The following SWI5 variants were observed in gnomAD, a reference collection of about 807,000 sequenced individuals.
SWI5 encodes DNA repair protein SWI5 homolog.
In SWI5, 12 loss-of-function variants were observed where a neutral mutation model predicts 17.0. The ratio of observed to expected loss-of-function variants is 0.71; its 90% CI spans 0.45 to 1.14. The LOEUF is 1.14. Among genes scored for constraint, SWI5 ranks in the 50% most tolerant of loss-of-function variants. SWI5 has a pLI of 0.00. For missense variants in SWI5, 158 were observed against 162.2 expected (o/e 0.97, Z 0.14); for synonymous variants, 61 against 64.0 (o/e 0.95, Z 0.22).
At chr9:128,276,965 T>C (rs1288902154) in intron 2 of SWI5, among the ~76,000 whole-genome samples, 3 of 152,056 alleles carry the variant, frequency 2.0e-5, no homozygotes, top group African/African-American at 4.8e-5. Flanking sequence ...TATCCTGTCC[T>C]GTCCTAGGCT....
At chr9:128,280,323 A>G (rs920437477) in intron 2 of SWI5, among the ~76,000 whole-genome samples, 6 of 151,996 alleles carry the variant, frequency 3.9e-5, no homozygotes, top group Non-Finnish European at 7.4e-5. Flanking sequence ...TGGGACACCC[A>G]GAGCTGCCTG....
At chr9:128,276,652 G>A (rs780391410) in intron 1 of SWI5, 55 bp from the exon 2 acceptor site, 1 of 1,613,846 alleles carries the variant, frequency 6.2e-7, no homozygotes, top group Non-Finnish European at 8.5e-7. Context: ...ACAGTACCCC[G>A]TCCTCACAGC....
intron 2 of SWI5, chr9:128,278,675 T>C (rs1456584065): frequency 4.2e-6 from 2 of 471,756 alleles, no homozygotes; most frequent in Non-Finnish European, 8.8e-6. Context: ...ACTGTCCCCA[T>C]GTTGAGGTGA....
At chr9:128,278,312 T>C (rs1457991516) in intron 2 of SWI5, among the ~76,000 whole-genome samples, 1 of 151,958 alleles carries the variant, frequency 6.6e-6, no homozygotes, top group Non-Finnish European at 1.5e-5. Flanking sequence ...CTCACGCCTA[T>C]AATCCCAGCA....
upstream of SWI5, chr9:128,275,863 G>A (rs1831318542): frequency 5.5e-6 from 7 of 1,271,332 alleles, no homozygotes; most frequent in Non-Finnish European, 7.8e-6. Context: ...CTGGGGCTGG[G>A]TCGGGGGGCC....
chr9:128,278,016 G>T (rs1022875759), intron 2 of SWI5, among the ~76,000 whole-genome samples: 1 of 142,186 alleles, frequency 7.0e-6, no homozygotes, highest in African/African-American at 2.6e-5. Flanking sequence ...GCAATGGTGC[G>T]ATCTGGGCTC....
Position 128,284,643 on chromosome 9 carries a change from TG to T in SWI5, c.233+15del, listed in dbSNP as rs1455539026. On this transcript the variant is annotated intron_variant, in intron 3 of 4. Coordinates refer to ENST00000418976, the Ensembl canonical transcript of SWI5. The stretch of plus-strand genomic sequence containing the variant: ...CAGTTCGTATCTGAGTAAGTTTCAT[TG>T]GGTTCCCCATCATGGTTAAGATAAC... 3 of 1,612,426 alleles carry T rather than the reference TG, an allele frequency of 1.9e-6. No individual in the cohort carries two copies. The highest frequency in any genetic ancestry group is 3.3e-5 in the Admixed American group (2 of 59,888).
rs116492254 is a variant in SWI5, at chr9:128,276,916, C to T, written c.111+161C>T. Among the ~76,000 whole-genome samples the T allele has an allele frequency of 2.5e-3, 376 of 152,146 alleles. 1 individual carries two copies. The highest frequency in any genetic ancestry group is 8.3e-3 in the African/African-American group (346 of 41,488). On this transcript the variant is annotated intron_variant, in intron 2 of 4. Coordinates refer to ENST00000418976, the Ensembl canonical transcript of SWI5. ...CGCCAGGTCATTCCCGAATCCCTCC[C>T]CTTCCTTTCCTCATGCCCGCCAGTC...
Position 128,285,956 on chromosome 9 carries a change from A to T in SWI5, c.251A>T (p.Glu84Val). The T allele has an allele frequency of 6.2e-7, 1 of 1,614,006 alleles. No homozygotes were observed. The highest frequency in any genetic ancestry group is 1.7e-5 in the Admixed American group (1 of 60,020). Residue 84 changes from glutamate (E) to valine (V), a missense_variant, in exon 4 of 5, where the codon GAA (glutamate) becomes GTA (valine). Transcript: ENST00000418976. The surrounding 1 kb of genome is among the most constrained non-coding windows in gnomAD (Gnocchi z 4.8). ...TATCCCAGAGGCTACAGTGTGGATG[A>T]ACTGGAGGACCACATTACCCAGCTT...
At chr9:128,280,813 G>A (rs1040449722) in intron 2 of SWI5, among the ~76,000 whole-genome samples, 12 of 151,992 alleles carry the variant, frequency 7.9e-5, no homozygotes, top group East Asian at 3.9e-4. Context: ...CACCGTGCCC[G>A]GTCGCATTTG....
intron 2 of SWI5, among the ~76,000 whole-genome samples, chr9:128,279,653 A>G (rs1040046791): frequency 1.3e-5 from 2 of 152,256 alleles, no homozygotes; most frequent in African/African-American, 4.8e-5. Flanking sequence ...TGGAAGGAAC[A>G]TAAAAGTGGA....
At position 128,285,856 on chromosome 9, in the gene SWI5, G is replaced by A; in HGVS notation, c.234-83G>A. The A allele has an allele frequency of 1.1e-6, 1 of 902,188 alleles. No homozygotes were observed. The highest frequency in any genetic ancestry group is 1.8e-6 in the Non-Finnish European group (1 of 545,516). 55.9% of individuals were successfully genotyped at this position (902,188 alleles called of 1,614,324 possible). A position where few individuals can be genotyped will look rare whatever the true frequency, so the allele number is the denominator to read the frequency against. ...TATCACCGAGTAGGCCATTACAGATGCCTTATTACTATCTGAGCCTGGGGC... is the reference window on the plus strand; with the variant it reads ...TATCACCGAGTAGGCCATTACAGATACCTTATTACTATCTGAGCCTGGGGC... On this transcript the variant is annotated intron_variant, in intron 3 of 4. Coordinates refer to ENST00000418976, the Ensembl canonical transcript of SWI5. The surrounding 1 kb of genome is among the most constrained non-coding windows in gnomAD (Gnocchi z 4.8).
intron 2 of SWI5, chr9:128,278,815 C>G (rs1831484376): frequency 2.6e-6 from 1 of 383,824 alleles, no homozygotes; most frequent in Non-Finnish European, 5.2e-6. Flanking sequence ...CTCTGTCGCC[C>G]AGGCTGGAAT....
At chr9:128,275,949 G>C (rs370362050), upstream of SWI5, 9 of 1,595,382 alleles carry the variant, frequency 5.6e-6, no homozygotes, top group Middle Eastern at 5.1e-4. Flanking sequence ...ATCGCGGGGC[G>C]GGGAGGGAGG....
At chr9:128,276,132 A>C, upstream of SWI5, 1 of 1,565,346 alleles carries the variant, frequency 6.4e-7, no homozygotes, top group Non-Finnish European at 8.6e-7. Flanking sequence ...TATGAAGCGG[A>C]AGGGGGCGTG....
At chr9:128,276,152 C>T (rs769608712), upstream of SWI5, 7 of 1,566,170 alleles carry the variant, frequency 4.5e-6, no homozygotes, top group Non-Finnish European at 6.1e-6. Context: ...GGCTATGCAG[C>T]GGCGTGGCCA....
rs768918042 is a variant in SWI5 at position 128,285,976 on chromosome 9, C to T, written c.271C>T (p.Gln91Ter). ...GGATGAACTGGAGGACCACATTACC[C>T]AGCTTCACGAGTACAATGACATCAA... is the stretch of plus-strand genomic sequence containing the variant. The change falls in exon 4 of 5, where the codon CAG (glutamine) becomes TAG (stop). Residue 91 changes from glutamine (Q) to a stop codon, truncating the protein, a stop_gained. Coordinates refer to ENST00000418976, the Ensembl canonical transcript of SWI5. LOFTEE classifies it high-confidence loss of function. The surrounding 1 kb of genome is among the most constrained non-coding windows in gnomAD (Gnocchi z 4.8). The T allele has an allele frequency of 1.9e-6, 3 of 1,614,144 alleles. No homozygotes were observed. Among genetic ancestry groups the T allele is most frequent in the Non-Finnish European group, 2.5e-6 (3 of 1,179,976 alleles).
intron 2 of SWI5, chr9:128,278,497 G>A (rs1213849299): frequency 2.7e-6 from 1 of 370,972 alleles, no homozygotes; most frequent in South Asian, 2.0e-5. Flanking sequence ...AACCCAGGGG[G>A]TGGAGGTTGC....
Position 128,288,642 on chromosome 9 carries a change from T to G in SWI5, c.329-10T>G, listed in dbSNP as rs771372702. ...CCACTGCACATTCAGCCTGCCTTCC[T>G]TCCTTTCAGCTGTGATCCGAGGTGT... On this transcript the variant is annotated splice_polypyrimidine_tract_variant and intron_variant, in intron 4 of 4. Coordinates refer to ENST00000418976, the Ensembl canonical transcript of SWI5. 3 of 1,614,008 alleles carry G rather than the reference T, an allele frequency of 1.9e-6. No homozygotes were observed. The highest frequency in any genetic ancestry group is 2.5e-6 in the Non-Finnish European group (3 of 1,180,020).
Sources: allele counts gnomAD v4.1 joint callset (sites outside exome capture counted in the v4.1 genomes callset), GRCh38; gene constraint gnomAD v4.1.1; non-coding constraint Gnocchi (gnomAD v3.1); transcripts MANE v1.5; gene names NCBI Gene and HGNC (gene_info 2026-07-23, HGNC 2026-07-21).